Variants in BLTP1 observed in about 807,000 individuals in gnomAD.
The protein encoded by BLTP1 is fragile site-associated protein.
chr4:122,265,793 G>A, the BLTP1 span, among the ~76,000 whole-genome samples: 1 of 152,074 alleles, frequency 6.6e-6, no homozygotes, highest in Non-Finnish European at 1.5e-5. Context: ...CCACCTCCCG[G>A]GTTCACGCCA....
chr4:122,294,007 A>G, the BLTP1 span, among the ~76,000 whole-genome samples: 1 of 152,070 alleles, frequency 6.6e-6, no homozygotes, highest in African/African-American at 2.4e-5. Flanking sequence ...TGGCCAGACT[A>G]TTTCTTTAAG....
At chr4:122,309,155 A>G in the BLTP1 span, 34 of 1,396,124 alleles carry the variant, frequency 2.4e-5, no homozygotes, top group Admixed American at 6.4e-4. Flanking sequence ...TTTAATGAAC[A>G]TATCTAGGCT....
the BLTP1 span, chr4:122,293,027 T>TAATA: frequency 4.4e-6 from 4 of 919,308 alleles, no homozygotes; most frequent in Non-Finnish European, 5.2e-6. Flanking sequence ...TAATAACACT[T>TAATA]CTTAAGTCAT....
At chr4:122,315,962 G>A in the BLTP1 span, among the ~76,000 whole-genome samples, 7 of 152,226 alleles carry the variant, frequency 4.6e-5, no homozygotes, top group South Asian at 1.0e-3. Context: ...GGAATGGGAA[G>A]AAATTGCTAA....
At chr4:122,331,561 A>G in the BLTP1 span, 1 of 1,603,164 alleles carries the variant, frequency 6.2e-7, no homozygotes. Flanking sequence ...TGATTGGAAA[A>G]GGATACATGA....
chr4:122,308,577 A>G, the BLTP1 span, among the ~76,000 whole-genome samples: 1 of 152,102 alleles, frequency 6.6e-6, no homozygotes, highest in African/African-American at 2.4e-5. Flanking sequence ...GGGAATTCCA[A>G]AATGCTTTTA....
the BLTP1 span, among the ~76,000 whole-genome samples, chr4:122,295,634 C>G: frequency 6.6e-6 from 1 of 151,934 alleles, no homozygotes; most frequent in Non-Finnish European, 1.5e-5. Context: ...GACATAGATA[C>G]GACAAAAAAA....
chr4:122,291,966 GT>G, the BLTP1 span: 2,841 of 118,814 alleles, frequency 0.024, 24 homozygotes, highest in African/African-American at 0.075. Context: ...GCATCAAACA[GT>G]TTTTTTTTTT....
chr4:122,354,017 G>C, the BLTP1 span: 1 of 1,612,852 alleles, frequency 6.2e-7, no homozygotes, highest in Non-Finnish European at 8.5e-7. Context: ...AAGGAATGAA[G>C]GTTAAAATTT....
At chr4:122,353,966 G>C in the BLTP1 span, 1 of 1,613,558 alleles carries the variant, frequency 6.2e-7, no homozygotes, top group South Asian at 1.1e-5. This position sits in a 1 kb window ranked among gnomAD's most constrained non-coding sequence, Gnocchi z 4.3. Context: ...ACCCCATGGA[G>C]TAGCAAGTGT....
the BLTP1 span, chr4:122,247,192 C>T: frequency 1.9e-6 from 3 of 1,612,696 alleles, no homozygotes. Flanking sequence ...CAATGCAGAA[C>T]CTGGTAGAAC....
chr4:122,240,469 T>C, the BLTP1 span: 1 of 809,942 alleles, frequency 1.2e-6, no homozygotes, highest in Non-Finnish European at 1.9e-6. Context: ...GAGAGAGACT[T>C]TCTGAAGCCA....
chr4:122,159,394 C>T, the BLTP1 span, among the ~76,000 whole-genome samples: 1 of 150,354 alleles, frequency 6.7e-6, no homozygotes, highest in Non-Finnish European at 1.5e-5. Context: ...ACCCGGGAGG[C>T]GGAGGTTGCA....
At chr4:122,250,237 T>G in the BLTP1 span, 1 of 1,023,338 alleles carries the variant, frequency 9.8e-7, no homozygotes, top group Non-Finnish European at 1.4e-6. Flanking sequence ...ATTACTTTTA[T>G]AGATTAGGGC....
At chr4:122,268,383 G>A in the BLTP1 span, among the ~76,000 whole-genome samples, 2 of 152,100 alleles carry the variant, frequency 1.3e-5, no homozygotes, top group Non-Finnish European at 2.9e-5. Context: ...TTGTATGTAT[G>A]GATCAGTTTT....
chr4:122,317,064 G>T, the BLTP1 span, among the ~76,000 whole-genome samples: 1 of 152,154 alleles, frequency 6.6e-6, no homozygotes, highest in Non-Finnish European at 1.5e-5. Flanking sequence ...GGGCATGGTG[G>T]CTGATGCCTG....
chr4:122,227,460 C>T, the BLTP1 span: 9 of 985,262 alleles, frequency 9.1e-6, no homozygotes, highest in Non-Finnish European at 1.1e-5. Context: ...CATTTTCTTC[C>T]CCTGATTTTG....
chr4:122,204,607 TAGC>T, the BLTP1 span: 2 of 981,200 alleles, frequency 2.0e-6, no homozygotes, highest in Non-Finnish European at 2.4e-6. Flanking sequence ...AGTTTTTCCT[TAGC>T]AGAGAGGATA....
the BLTP1 span, chr4:122,189,337 G>T: frequency 1.0e-6 from 1 of 981,166 alleles, no homozygotes; most frequent in African/African-American, 1.8e-5. Context: ...GAGAAAAGTT[G>T]TTTAATCAAA....
Sources: gnomAD v4.1 joint callset for allele counts (sites outside exome capture counted in the v4.1 genomes callset) on GRCh38, gnomAD v4.1.1 for gene constraint, Gnocchi (gnomAD v3.1) non-coding constraint, MANE v1.5 for transcripts, NCBI Gene and HGNC (gene_info 2026-07-23, HGNC 2026-07-21) for gene names.